ELL2: variants seen among roughly 807,000 people sequenced by gnomAD.
ELL2 encodes the protein RNA polymerase II elongation factor ELL2.
A neutral mutation model predicts 72.8 loss-of-function variants in ELL2; 21 were observed. The ratio of observed to expected loss-of-function variants is 0.29; its 90% confidence interval spans 0.20 to 0.42. The LOEUF (loss-of-function observed/expected upper bound fraction) is 0.42, where lower values mean the gene tolerates loss of function less well. Ranked by LOEUF, ELL2 falls within the 10% of genes least tolerant of loss-of-function variation. The pLI, the probability that ELL2 is intolerant of heterozygous loss-of-function variation, is 1.00. For missense variants in ELL2, 568 were observed against 772.8 expected (o/e 0.73, Z 3.14); for synonymous variants, 266 against 283.2 (o/e 0.94, Z 0.61).
At chr5:95,932,500 C>T (rs1056380717) in intron 2 of ELL2, 3 of 152,298 alleles carry the variant, frequency 2.0e-5, no homozygotes, top group African/African-American at 7.2e-5. Context: ...ACTGATATTA[C>T]AAAACTTTTG....
At chr5:95,953,526 TAAGA>T (rs1751497494) in intron 1 of ELL2, among the ~76,000 whole-genome samples, 1 of 152,218 alleles carries the variant, frequency 6.6e-6, no homozygotes, top group Non-Finnish European at 1.5e-5. Flanking sequence ...GTGAATCTTA[TAAGA>T]AAGTTCAAGC....
chr5:95,940,181 G>T (rs1341182122), intron 2 of ELL2, among the ~76,000 whole-genome samples: 3 of 152,174 alleles, frequency 2.0e-5, no homozygotes, highest in Non-Finnish European at 4.4e-5. Flanking sequence ...TAAGGAACAG[G>T]GGTAAAATGA....
In ELL2 at chr5:95,961,738, T is replaced by TGCCGCC. The variant is rs748547152; in HGVS notation, c.-23_-18dup. 20 of 1,580,496 alleles carry TGCCGCC rather than the reference T, an allele frequency of 1.3e-5. No individual in the cohort carries two copies. Among genetic ancestry groups the TGCCGCC allele is most frequent in the African/African-American group, 2.8e-5 (2 of 72,442 alleles). On this transcript the variant is annotated 5_prime_UTR_variant, in exon 1 of 12. Transcript: ENST00000237853. ...CGCCGCCATCTTAAACTCCCCGGGG[T>TGCCGCC]GCCGCCGCCGCCGCCGCTCCGGCTC...
intron 3 of ELL2, among the ~76,000 whole-genome samples, chr5:95,919,061 G>C (rs1749944942): frequency 6.6e-6 from 1 of 152,014 alleles, no homozygotes; most frequent in African/African-American, 2.4e-5. Flanking sequence ...TTACCCTGGA[G>C]TATGAGCCTC....
At chr5:95,928,368 T>C (rs775839653) in intron 2 of ELL2, among the ~76,000 whole-genome samples, 36 of 152,216 alleles carry the variant, frequency 2.4e-4, no homozygotes, top group Non-Finnish European at 2.6e-4. Flanking sequence ...GTTCAGCAAC[T>C]TATCATAAAG....
At chr5:95,897,525 A>C (rs1003202706) in intron 8 of ELL2, among the ~76,000 whole-genome samples, 2 of 152,216 alleles carry the variant, frequency 1.3e-5, no homozygotes, top group Non-Finnish European at 2.9e-5. Flanking sequence ...GCTTTTCTTT[A>C]GAGGTAAAGC....
At chr5:95,912,567 G>C (rs72785439) in intron 4 of ELL2, among the ~76,000 whole-genome samples, 28 of 152,300 alleles carry the variant, frequency 1.8e-4, no homozygotes, top group African/African-American at 6.3e-4. Flanking sequence ...TACTTCTGGG[G>C]ATAAAGGAGA....
Position 95,961,714 on chromosome 5 carries a change from G to A in ELL2, c.8C>T (p.Ala3Val). 1 of 1,601,976 alleles carries A rather than the reference G, an allele frequency of 6.2e-7. No homozygotes were observed. Reference sequence around the variant, plus strand: ...CTCCCGCAGGCCCCCTGTCCCCCCCGCCGCCATCTTAAACTCCCCGGGGTG... The same window carrying A: ...CTCCCGCAGGCCCCCTGTCCCCCCCACCGCCATCTTAAACTCCCCGGGGTG... MA[A>V]GGTGGLREEQ... Residue 3 changes from alanine (A) to valine (V), a missense_variant, in exon 1 of 12, where the codon GCG (alanine) becomes GTG (valine). Ala to Val is a moderately conservative substitution (Grantham distance 64). This residue lies in a region of ELL2 where 57 missense variants were observed against 44.4 expected (regional missense o/e 1.28). Transcript: ENST00000237853.
intron 5 of ELL2, among the ~76,000 whole-genome samples, chr5:95,902,505 T>G (rs551274106): frequency 2.0e-5 from 3 of 152,240 alleles, no homozygotes; most frequent in East Asian, 3.8e-4. Flanking sequence ...AATTAATTTT[T>G]AAGGCTAGGA....
chr5:95,890,811 G>T, intron 10 of ELL2: 1 of 408,852 alleles, frequency 2.4e-6, no homozygotes, highest in Non-Finnish European at 4.6e-6. Flanking sequence ...CAAATAGTTA[G>T]CTGAATCTCA....
intron 1 of ELL2, among the ~76,000 whole-genome samples, chr5:95,950,902 G>GTATA (rs1751352182): frequency 6.7e-5 from 5 of 75,036 alleles, no homozygotes; most frequent in Admixed American, 3.0e-4. Flanking sequence ...ATGTATGTAT[G>GTATA]TGTATATATA....
chr5:95,947,455 A>G (rs1751203254), intron 1 of ELL2, among the ~76,000 whole-genome samples: 1 of 151,214 alleles, frequency 6.6e-6, no homozygotes, highest in South Asian at 2.1e-4. Context: ...CTCAACAAGA[A>G]TAATTTTTAT....
chr5:95,910,691 G>A (rs2112296770), intron 4 of ELL2, among the ~76,000 whole-genome samples: 1 of 152,174 alleles, frequency 6.6e-6, no homozygotes, highest in East Asian at 1.9e-4. Context: ...CCCTAGTCTA[G>A]CTGTCAGCCG....
intron 2 of ELL2, among the ~76,000 whole-genome samples, chr5:95,938,584 C>T (rs1289042221): frequency 1.3e-5 from 2 of 152,072 alleles, no homozygotes; most frequent in African/African-American, 4.8e-5. Flanking sequence ...ATTAGCCAGT[C>T]ATGGCTGTGT....
chr5:95,930,360 G>A (rs1750552173), intron 2 of ELL2, among the ~76,000 whole-genome samples: 1 of 152,134 alleles, frequency 6.6e-6, no homozygotes, highest in Admixed American at 6.5e-5. Flanking sequence ...TGTAAATCTA[G>A]GGAGAGACTG....
intron 1 of ELL2, among the ~76,000 whole-genome samples, chr5:95,950,924 A>G (rs1487956473): frequency 9.1e-6 from 1 of 109,382 alleles, no homozygotes; most frequent in Non-Finnish European, 1.9e-5. Flanking sequence ...ATATATATAT[A>G]TATATATATA....
At chr5:95,917,189 T>C (rs546471427) in intron 3 of ELL2, among the ~76,000 whole-genome samples, 17 of 152,360 alleles carry the variant, frequency 1.1e-4, no homozygotes, top group South Asian at 8.3e-4. Context: ...TATTTTTCAC[T>C]AAGTCTGAAA....
intron 5 of ELL2, among the ~76,000 whole-genome samples, chr5:95,904,854 T>G (rs1443893797): frequency 6.6e-6 from 1 of 152,214 alleles, no homozygotes; most frequent in African/African-American, 2.4e-5. Context: ...ATGTCAAAGT[T>G]ATGAATATGC....
At chr5:95,958,182 C>A (rs1278192091) in intron 1 of ELL2, among the ~76,000 whole-genome samples, 1 of 152,154 alleles carries the variant, frequency 6.6e-6, no homozygotes, top group Non-Finnish European at 1.5e-5. Context: ...CCATTTTCCC[C>A]CCAGAGAGAA....
Sources: allele counts gnomAD v4.1 joint callset (sites outside exome capture counted in the v4.1 genomes callset), GRCh38; gene constraint gnomAD v4.1.1; regional missense constraint gnomAD v4.1.1; transcripts MANE v1.5; gene names NCBI Gene and HGNC (gene_info 2026-07-23, HGNC 2026-07-21).